Variants in LEPR observed in about 807,000 individuals in gnomAD.
The protein encoded by LEPR is OB receptor.
A neutral mutation model predicts 114.7 loss-of-function variants in LEPR; 56 were observed. The observed-to-expected ratio is 0.49, with a 90% confidence interval of 0.39 to 0.61. LEPR has a LOEUF of 0.61. Ranked by LOEUF, LEPR falls within the 20% of genes least tolerant of loss-of-function variation. The probability of loss-of-function intolerance (pLI) is 0.00; values close to 1 mark genes in which losing one functional copy is unlikely to be tolerated. For missense variants in LEPR, 1,202 were observed against 1,352.9 expected, an observed-to-expected ratio of 0.89 and a Z score of 1.75; for synonymous variants, 443 against 461.4, an observed-to-expected ratio of 0.96 and a Z score of 0.51.
chr1:65,586,640 G>A (rs1379656918), intron 5 of LEPR, among the ~76,000 whole-genome samples: 1 of 150,914 alleles, frequency 6.6e-6, no homozygotes, highest in African/African-American at 2.4e-5. Flanking sequence ...AATTGAAAAT[G>A]TAAGTAACCA....
intron 2 of LEPR, among the ~76,000 whole-genome samples, chr1:65,473,698 C>T (rs1166332755): frequency 1.3e-5 from 2 of 152,112 alleles, no homozygotes; most frequent in South Asian, 2.1e-4. Flanking sequence ...ATGATGATGC[C>T]TATGTTTTAG....
intron 2 of LEPR, among the ~76,000 whole-genome samples, chr1:65,549,719 T>G (rs977781802): frequency 4.6e-5 from 7 of 152,144 alleles, no homozygotes; most frequent in Non-Finnish European, 1.0e-4. Flanking sequence ...TTTGTCTAAA[T>G]TTTTTTCAAA....
chr1:65,474,343 T>C (rs1647128722), intron 2 of LEPR, among the ~76,000 whole-genome samples: 1 of 152,234 alleles, frequency 6.6e-6, no homozygotes, highest in Non-Finnish European at 1.5e-5. Flanking sequence ...GGCTCCATTT[T>C]TCATACTTTT....
intron 2 of LEPR, among the ~76,000 whole-genome samples, chr1:65,553,182 C>T (rs1024942747): frequency 3.3e-5 from 5 of 152,200 alleles, no homozygotes; most frequent in Non-Finnish European, 5.9e-5. Context: ...GTGAATTTGA[C>T]GATTATATGT....
At chr1:65,478,907 G>A (rs796812031) in intron 2 of LEPR, among the ~76,000 whole-genome samples, 23 of 152,318 alleles carry the variant, frequency 1.5e-4, no homozygotes, top group African/African-American at 5.5e-4. Context: ...GTAAGAAGGA[G>A]TGGAGAAGAA....
At chr1:65,438,772 C>G (rs3934256) in intron 2 of LEPR, among the ~76,000 whole-genome samples, 44,657 of 151,956 alleles carry the variant, frequency 0.29, 8,275 homozygotes, top group Non-Finnish European at 0.41. Context: ...AGGTTGGAAA[C>G]TGCTGAAAGC....
At chr1:65,434,864 C>T in intron 2 of LEPR, 2 of 985,436 alleles carry the variant, frequency 2.0e-6, no homozygotes, top group Non-Finnish European at 2.4e-6. Context: ...TCTCTAAGTA[C>T]AGCTGATGTC....
chr1:65,454,559 T>C (rs1209830889), intron 2 of LEPR, among the ~76,000 whole-genome samples: 2 of 152,178 alleles, frequency 1.3e-5, no homozygotes, highest in Non-Finnish European at 2.9e-5. Context: ...TTTGGCTGGA[T>C]ATGAAATTCT....
chr1:65,558,532 TTTTTTGTTTTTTTTTTG>T (rs1462959296), intron 2 of LEPR, among the ~76,000 whole-genome samples: 21 of 47,796 alleles, frequency 4.4e-4, no homozygotes, highest in African/African-American at 5.6e-4. Flanking sequence ...AGAAGTTTTT[TTTTTTGTTTTTTTTTTG>T]TTTTTTTTTT....
chr1:65,633,105 T>G lies in LEPR; in HGVS notation c.2674-3086T>G. The G allele has an allele frequency of 7.9e-7, 1 of 1,264,020 alleles. No homozygotes were observed. Among genetic ancestry groups the G allele is most frequent in the South Asian group, 1.2e-5 (1 of 83,384 alleles). The allele number at this position is 1,264,020 out of a possible 1,614,324, so 78.3% of individuals were successfully genotyped here. A position where few individuals can be genotyped will look rare whatever the true frequency, so the allele number is the denominator to read the frequency against. On this transcript the variant is annotated intron_variant, in intron 19 of 19. Transcript: ENST00000349533. The surrounding 1 kb of genome is among the most constrained non-coding windows in gnomAD (Gnocchi z 4.1). ...AATCTTTTATCTTTTTCTTTGTGAG[T>G]GATTTTTTATTTTGCTTTCTTATTT...
chr1:65,499,536 T>A (rs1463353745), intron 2 of LEPR, among the ~76,000 whole-genome samples: 1 of 152,128 alleles, frequency 6.6e-6, no homozygotes, highest in Non-Finnish European at 1.5e-5. Context: ...ATACTTAATG[T>A]CTTTGAGTCC....
In LEPR at chr1:65,432,152, A is replaced by G. The variant is rs12063858; in HGVS notation, c.-21+6774A>G. ...AATTATGTTACTTGTTTGGCTGTTC[A>G]TGTAGTCACGGTGCTCTCAGAAAAT... On this transcript the variant is annotated intron_variant, in intron 2 of 19. Coordinates refer to ENST00000349533, the MANE Select transcript of LEPR (RefSeq NM_002303.6). 2,284 of 1,186,328 alleles carry G rather than the reference A, an allele frequency of 1.9e-3. 42 individuals are homozygous for G. The African/African-American group carries it at 0.034, about 18-fold the overall frequency. The allele number at this position is 1,186,328 out of a possible 1,614,324, so 73.5% of individuals were successfully genotyped here.
intron 5 of LEPR, among the ~76,000 whole-genome samples, chr1:65,585,657 A>G (rs1289523645): frequency 6.6e-6 from 1 of 152,038 alleles, no homozygotes. Context: ...CTGAGTTTGT[A>G]TATGTGTATG....
chr1:65,606,401 A>G (rs1365518812), intron 11 of LEPR, among the ~76,000 whole-genome samples: 1 of 152,132 alleles, frequency 6.6e-6, no homozygotes, highest in African/African-American at 2.4e-5. Flanking sequence ...CCTTTTCAAA[A>G]CTAAAATAAC....
intron 11 of LEPR, among the ~76,000 whole-genome samples, chr1:65,607,002 G>C (rs1656856332): frequency 6.6e-6 from 1 of 152,138 alleles, no homozygotes; most frequent in Non-Finnish European, 1.5e-5. Context: ...TGGAGCAAGA[G>C]AATAATAAAC....
chr1:65,568,552 C>CT (rs1557668071), intron 3 of LEPR, among the ~76,000 whole-genome samples: 3 of 151,384 alleles, frequency 2.0e-5, no homozygotes, highest in Admixed American at 6.6e-5. Context: ...GAATATGCCA[C>CT]TTTTTTTAAT....
chr1:65,635,291 T>G, intron 19 of LEPR: 2 of 980,450 alleles, frequency 2.0e-6, no homozygotes, highest in Non-Finnish European at 2.4e-6. Flanking sequence ...ATCAACAGCT[T>G]TTTTTATTTT....
intron 2 of LEPR, among the ~76,000 whole-genome samples, chr1:65,465,364 AT>A (rs1174515395): frequency 6.6e-6 from 1 of 152,044 alleles, no homozygotes; most frequent in Admixed American, 6.6e-5. Context: ...CTGAGTTCTA[AT>A]TTTATTGCAC....
chr1:65,571,259 T>C (rs1654127855), intron 4 of LEPR, among the ~76,000 whole-genome samples: 1 of 152,176 alleles, frequency 6.6e-6, no homozygotes, highest in South Asian at 2.1e-4. Flanking sequence ...GATGTGATGA[T>C]CTGTGTAACA....
Sources: allele counts gnomAD v4.1 joint callset (sites outside exome capture counted in the v4.1 genomes callset), GRCh38; gene constraint gnomAD v4.1.1; non-coding constraint Gnocchi (gnomAD v3.1); transcripts MANE v1.5; gene names NCBI Gene and HGNC (gene_info 2026-07-23, HGNC 2026-07-21).